The following FSTL5 variants were observed in gnomAD, a reference collection of about 807,000 sequenced individuals.
FSTL5 encodes the protein follistatin-related protein 5.
FSTL5 carries 62 observed loss-of-function variants against 89.1 expected under a neutral mutation model. The observed-to-expected ratio is 0.70, with a 90% CI of 0.57 to 0.86. The LOEUF is 0.86. FSTL5 is among the 40% of genes least tolerant of loss of function. The probability of loss-of-function intolerance (pLI) is 0.00; values close to 1 mark genes in which losing one functional copy is unlikely to be tolerated. For synonymous variants in FSTL5, 383 were observed against 346.2 expected, an observed-to-expected ratio of 1.11 and a Z score of -1.18; for missense variants, 1,057 against 1,001.6, an observed-to-expected ratio of 1.06 and a Z score of -0.75.
At chr4:161,915,176 AG>A (rs1257909371) in intron 4 of FSTL5, among the ~76,000 whole-genome samples, 1 of 152,164 alleles carries the variant, frequency 6.6e-6, no homozygotes, top group African/African-American at 2.4e-5. Context: ...TTGGCTTTTT[AG>A]AATGATTAAT....
chr4:161,888,181 C>G (rs2110740640), intron 4 of FSTL5, among the ~76,000 whole-genome samples: 1 of 152,256 alleles, frequency 6.6e-6, no homozygotes, highest in East Asian at 1.9e-4. Context: ...TCCCAGCCTC[C>G]CTTGAAGTTA....
At chr4:161,965,841 C>T (rs1735310822) in intron 3 of FSTL5, among the ~76,000 whole-genome samples, 1 of 151,934 alleles carries the variant, frequency 6.6e-6, no homozygotes, top group South Asian at 2.1e-4. Flanking sequence ...AACCAAATTC[C>T]TTGGAATTTT....
chr4:162,060,431 G>T lies in FSTL5; in HGVS notation c.127-26773C>A, dbSNP rs148908022. On this transcript the variant is annotated intron_variant, in intron 2 of 15. Coordinates refer to ENST00000306100, the MANE Select transcript of FSTL5 (RefSeq NM_020116.5). Reference sequence around the variant, plus strand: ...GCATTTTGCTTAGTTTATATGATTAGAATAAAGTTAGTTTAATAATGTATG... The same window carrying T: ...GCATTTTGCTTAGTTTATATGATTATAATAAAGTTAGTTTAATAATGTATG... Among the ~76,000 whole-genome samples, 406 of 151,934 alleles carry T rather than the reference G, an allele frequency of 2.7e-3. 2 individuals are homozygous for T. Among genetic ancestry groups the T allele is most frequent in the African/African-American group, 9.4e-3 (391 of 41,474 alleles).
chr4:162,002,440 A>G (rs1252390532), intron 3 of FSTL5, among the ~76,000 whole-genome samples: 1 of 152,190 alleles, frequency 6.6e-6, no homozygotes, highest in Non-Finnish European at 1.5e-5. Flanking sequence ...GCTATCCACA[A>G]TATCTTGTCT....
At chr4:161,989,656 G>A (rs925378558) in intron 3 of FSTL5, among the ~76,000 whole-genome samples, 3 of 152,130 alleles carry the variant, frequency 2.0e-5, no homozygotes, top group African/African-American at 7.2e-5. Flanking sequence ...CATACTACGT[G>A]AGTCCACTAC....
chr4:161,759,325 A>T, intron 6 of FSTL5, 86 bp downstream of exon 6: 1 of 1,226,594 alleles, frequency 8.2e-7, no homozygotes, highest in Non-Finnish European at 1.1e-6. Flanking sequence ...AACAGCTTGT[A>T]CTATGAGAGC....
At chr4:161,768,620 A>C (rs1560834468) in intron 5 of FSTL5, among the ~76,000 whole-genome samples, 1 of 152,036 alleles carries the variant, frequency 6.6e-6, no homozygotes, top group African/African-American at 2.4e-5. Context: ...CCCACCGTCT[A>C]TCTCTCTTAT....
intron 4 of FSTL5, among the ~76,000 whole-genome samples, chr4:161,852,764 T>A (rs748335547): frequency 6.6e-6 from 1 of 152,118 alleles, no homozygotes; most frequent in Non-Finnish European, 1.5e-5. Context: ...ATATACACCA[T>A]GGAATACTAT....
At chr4:161,398,550 C>T (rs1731078581) in intron 15 of FSTL5, among the ~76,000 whole-genome samples, 1 of 152,018 alleles carries the variant, frequency 6.6e-6, no homozygotes, top group Non-Finnish European at 1.5e-5. Flanking sequence ...TACACTTCTG[C>T]ATTGTTTGGA....
At chr4:161,533,866 T>C (rs547816771) in intron 10 of FSTL5, among the ~76,000 whole-genome samples, 31 of 151,800 alleles carry the variant, frequency 2.0e-4, no homozygotes, top group African/African-American at 6.0e-4. Flanking sequence ...CAGTAGAATA[T>C]CAAAAAGTTA....
intron 2 of FSTL5, among the ~76,000 whole-genome samples, chr4:162,094,630 G>T (rs1032122580): frequency 2.6e-5 from 4 of 152,042 alleles, no homozygotes; most frequent in Non-Finnish European, 4.4e-5. Flanking sequence ...ACCTACTGTA[G>T]GATTCTATTT....
intron 14 of FSTL5, among the ~76,000 whole-genome samples, chr4:161,456,492 G>A (rs115025158): frequency 5.5e-4 from 84 of 152,282 alleles, no homozygotes; most frequent in African/African-American, 1.9e-3. Flanking sequence ...AAAAAGATAA[G>A]TAGAATTTTC....
intron 11 of FSTL5, among the ~76,000 whole-genome samples, 157 bp from the exon 12 acceptor site, chr4:161,500,291 C>T (rs1362405812): frequency 1.3e-5 from 2 of 152,088 alleles, no homozygotes; most frequent in African/African-American, 4.8e-5. Flanking sequence ...TGTATACTCG[C>T]ACCACTTTGT....
In FSTL5 at chr4:161,915,274, T is replaced by C. The variant is rs1733806421; in HGVS notation, c.409+5130A>G. Among the ~76,000 whole-genome samples, 3 of 152,028 alleles carry C rather than the reference T, an allele frequency of 2.0e-5. No individual in the cohort carries two copies. In the South Asian group the frequency reaches 6.2e-4, roughly 32 times the overall value. On this transcript the variant is annotated intron_variant, in intron 4 of 15. Coordinates refer to ENST00000306100, the MANE Select transcript of FSTL5 (RefSeq NM_020116.5). ...TATCACTAGTCCTGCTGGCATTCTC[T>C]GTATCTCTTCCCCCCATCATCCCCC...
chr4:161,873,149 A>C (rs891934693), intron 4 of FSTL5, among the ~76,000 whole-genome samples: 3 of 152,158 alleles, frequency 2.0e-5, no homozygotes. Context: ...CTAAGAAGCA[A>C]GGAGTGTAGC....
At chr4:161,894,487 C>CT (rs1435805922) in intron 4 of FSTL5, among the ~76,000 whole-genome samples, 1 of 151,492 alleles carries the variant, frequency 6.6e-6, no homozygotes, top group Non-Finnish European at 1.5e-5. Context: ...TATCTTTTTT[C>CT]TTTTTTCTTT....
chr4:162,026,720 A>G (rs1333730981), intron 3 of FSTL5, among the ~76,000 whole-genome samples: 1 of 152,144 alleles, frequency 6.6e-6, no homozygotes, highest in Non-Finnish European at 1.5e-5. Context: ...GGTTAAGACA[A>G]TATTGATTTA....
intron 4 of FSTL5, among the ~76,000 whole-genome samples, chr4:161,815,697 G>A (rs773380165): frequency 6.6e-6 from 1 of 152,048 alleles, no homozygotes; most frequent in Non-Finnish European, 1.5e-5. Flanking sequence ...CTGGCCAGGA[G>A]TCATTTTATA....
intron 4 of FSTL5, among the ~76,000 whole-genome samples, chr4:161,889,833 A>C (rs2110747356): frequency 6.6e-6 from 1 of 152,288 alleles, no homozygotes; most frequent in South Asian, 2.1e-4. Flanking sequence ...CCTATTTACA[A>C]AAATTTTTCT....
Sources: gnomAD v4.1 joint callset for allele counts (sites outside exome capture counted in the v4.1 genomes callset) on GRCh38, gnomAD v4.1.1 for gene constraint, MANE v1.5 for transcripts, NCBI Gene and HGNC (gene_info 2026-07-23, HGNC 2026-07-21) for gene names.